The following KLF10 variants were observed in gnomAD, a reference collection of about 807,000 sequenced individuals.
KLF10 encodes KLF transcription factor 10, also known as Krueppel-like factor 10.
A neutral mutation model predicts 31.6 loss-of-function variants in KLF10; 17 were observed. The ratio of observed to expected loss-of-function variants is 0.54; its 90% CI spans 0.37 to 0.81. KLF10 has a LOEUF of 0.81. KLF10 is among the 30% of genes least tolerant of loss of function. KLF10 has a pLI of 0.00. For synonymous variants in KLF10, 239 were observed against 215.1 expected, an observed-to-expected ratio of 1.11 and a Z score of -0.97; for missense variants, 525 against 598.1, an observed-to-expected ratio of 0.88 and a Z score of 1.27.
In KLF10 at chr8:102,651,846, G is replaced by C. The variant is rs1827221704; in HGVS notation, c.486C>G (p.Ala162=). 1 of 1,614,006 alleles carries C rather than the reference G, an allele frequency of 6.2e-7. No individual in the cohort carries two copies. The highest frequency in any genetic ancestry group is 8.5e-7 in the Non-Finnish European group (1 of 1,180,008). The change falls in exon 3 of 4, where the codon GCC becomes GCG. Residue 162 remains alanine (A), a synonymous_variant. Transcript: ENST00000285407. ...GGCAGGTCTGGTGGTTACATAGCTG[G>C]GCATCAGCTGTATGACGAATCACAC... ...ATSVIRHTAD[A]QLCNHQTCPM... is the part of the protein sequence containing the mutation.
intron 1 of KLF10, chr8:102,653,763 A>G: frequency 9.0e-7 from 1 of 1,108,016 alleles, no homozygotes; most frequent in Non-Finnish European, 1.1e-6. Context: ...GAAAAAAGAA[A>G]GGCAGGCGGC....
intron 3 of KLF10, among the ~76,000 whole-genome samples, chr8:102,650,672 G>C (rs1377811561): frequency 6.6e-6 from 1 of 152,118 alleles, no homozygotes; most frequent in African/African-American, 2.4e-5. Context: ...CTTGAGCCCA[G>C]AAGTTTGAGA....
chr8:102,652,286 A>C lies in KLF10; in HGVS notation c.148T>G (p.Cys50Gly). The stretch of plus-strand genomic sequence containing the variant: ...TTCTTAAAATCAGACTTCCAACTGC[A>C]GCTCATTGACATAAGTGCTTCTACA... The part of the protein sequence containing the change: ...EAVEALMSMS[C>G]SWKSDFKKYV... Residue 50 changes from cysteine (C) to glycine (G), a missense_variant, in exon 2 of 4, where the codon TGC becomes GGC. Around this residue, in one of 3 missense-constraint regions of KLF10, gnomAD observed 434 missense variants for 450.7 expected, o/e 0.96. Coordinates refer to ENST00000285407, the MANE Select transcript of KLF10 (RefSeq NM_005655.4). 6.2e-7 allele frequency: 1 copy of C among 1,613,566 alleles called. No individual in the cohort carries two copies.
At chr8:102,653,845 G>C in intron 1 of KLF10, 1 of 985,018 alleles carries the variant, frequency 1.0e-6, no homozygotes, top group Non-Finnish European at 1.2e-6. Context: ...TGGGGCGCGA[G>C]GCAGGAAAGG....
Position 102,655,680 on chromosome 8 carries a change from G to A in KLF10, c.-79C>T. The A allele has an allele frequency of 6.6e-7, 1 of 1,526,132 alleles. No homozygotes were observed. The highest frequency in any genetic ancestry group is 1.1e-5 in the South Asian group (1 of 87,596). 94.5% of individuals were successfully genotyped at this position (1,526,132 alleles called of 1,614,324 possible). A position where few individuals can be genotyped will look rare whatever the true frequency, so the allele number is the denominator to read the frequency against. ...GCTTGGCCACAGACGGGCGCACGGA[G>A]ACACTCGACGCCGCTCCCGCCGCCG... On this transcript the variant is annotated 5_prime_UTR_variant, in exon 1 of 4. Transcript: ENST00000285407.
Position 102,655,696 on chromosome 8 carries a change from C to A in KLF10, c.-95G>T. ...GCGCACGGAGACACTCGACGCCGCT[C>A]CCGCCGCCGCCGCGCTCAGCGCCGT... On this transcript the variant is annotated 5_prime_UTR_variant, in exon 1 of 4. Transcript: ENST00000285407. 2 of 1,401,434 alleles carry A rather than the reference C, an allele frequency of 1.4e-6. No individual in the cohort carries two copies. Among genetic ancestry groups the A allele is most frequent in the East Asian group, 2.4e-5 (1 of 40,916 alleles). The allele number at this position is 1,401,434 out of a possible 1,614,324, so 86.8% of individuals were successfully genotyped here.
intron 1 of KLF10, chr8:102,653,837 G>T: frequency 9.9e-7 from 1 of 1,007,964 alleles, no homozygotes; most frequent in Non-Finnish European, 1.2e-6. Flanking sequence ...AAAGGGAGTG[G>T]GGCGCGAGGC....
At chr8:102,652,468 A>C (rs62523312) in intron 1 of KLF10, 71 bp from the exon 2 acceptor site, 1 of 714,644 alleles carries the variant, frequency 1.4e-6, no homozygotes, top group South Asian at 2.4e-5. Context: ...AAAAATGAGC[A>C]AATTTTTTTT....
rs1827208251 is a variant in KLF10 at position 102,651,457 on chromosome 8, C to T, written c.875G>A (p.Ser292Asn). 1 of 1,613,918 alleles carries T rather than the reference C, an allele frequency of 6.2e-7. No individual in the cohort carries two copies. The highest frequency in any genetic ancestry group is 1.7e-4 in the Middle Eastern group (1 of 6,056). ...NNPVVTTVVP[S>N]TPPSQPPAVC... ...GGCTGGTGGCTGGCTGGGAGGAGTG[C>T]TGGGAACGACTGTTGTCACAACAGG... is the stretch of plus-strand genomic sequence containing the variant. Residue 292 changes from serine (S) to asparagine (N), a missense_variant, in exon 3 of 4, where the codon AGC (serine) becomes AAC (asparagine). Ser to Asn is a conservative substitution (Grantham distance 46). This residue lies in a region of KLF10 where 434 missense variants were observed against 450.7 expected (regional missense o/e 0.96). Transcript: ENST00000285407.
At position 102,651,546 on chromosome 8, in the gene KLF10, T is replaced by C. The variant is rs143582541; in HGVS notation, c.786A>G (p.Val262=). 27 of 1,613,856 alleles carry C rather than the reference T, an allele frequency of 1.7e-5. No homozygotes were observed. In the African/African-American group the frequency reaches 3.3e-4, roughly 20 times the overall value. Residue 262 remains valine, a synonymous_variant, in exon 3 of 4, where the codon GTA becomes GTG. Transcript: ENST00000285407. ...QKSVLVSPPA[V]SAGGVPPMPV... Reference sequence around the variant, plus strand: ...GCATAGGTGGCACTCCCCCTGCAGATACTGCAGGTGGAGAGACCAACACTG... The same window carrying C: ...GCATAGGTGGCACTCCCCCTGCAGACACTGCAGGTGGAGAGACCAACACTG...
In KLF10 at chr8:102,655,715, G is replaced by C. The variant is rs563448184; in HGVS notation, c.-114C>G. On this transcript the variant is annotated 5_prime_UTR_variant, in exon 1 of 4. Coordinates refer to ENST00000285407, the MANE Select transcript of KLF10 (RefSeq NM_005655.4). ...GCCGCTCCCGCCGCCGCCGCGCTCA[G>C]CGCCGTCTGCCCCCTCCCCATTCAG... 61 of 1,234,660 alleles carry C rather than the reference G, an allele frequency of 4.9e-5. No individual in the cohort carries two copies. Among genetic ancestry groups the C allele is most frequent in the Non-Finnish European group, 6.4e-5 (55 of 862,720 alleles). The allele number at this position is 1,234,660 out of a possible 1,614,324, so 76.5% of individuals were successfully genotyped here. A position where few individuals can be genotyped will look rare whatever the true frequency, so the allele number is the denominator to read the frequency against.
In KLF10 at chr8:102,652,697, T is replaced by C. The variant is rs191872076; in HGVS notation, c.37-300A>G. ...GTTCATGGGAGAGAGGCACACCTAC[T>C]ACCATTAAGGGGACTAAGACGAAAA... On this transcript the variant is annotated intron_variant, in intron 1 of 3. Transcript: ENST00000285407. Among the ~76,000 whole-genome samples the C allele has an allele frequency of 4.5e-3, 687 of 152,242 alleles. 2 individuals are homozygous for C. Among genetic ancestry groups the C allele is most frequent in the Non-Finnish European group, 6.6e-3 (446 of 68,006 alleles).
Position 102,651,812 on chromosome 8 carries a change from C to T in KLF10, c.520G>A (p.Ala174Thr), listed in dbSNP as rs1827220520. ...TTCTGATAGTTGAGGATGCTGGCTG[C>T]TTTCATTGGGCAGGTCTGGTGGTTA... ...LCNHQTCPMK[A>T]ASILNYQNNS... The change falls in exon 3 of 4, where the codon GCA (alanine) becomes ACA (threonine). Residue 174 changes from alanine (A) to threonine (T), a missense_variant. By Grantham distance (58) the Ala-to-Thr change is moderately conservative. This residue lies in a region of KLF10 where 434 missense variants were observed against 450.7 expected (regional missense o/e 0.96). Coordinates refer to ENST00000285407, the MANE Select transcript of KLF10 (RefSeq NM_005655.4). 6.2e-7 allele frequency: 1 copy of T among 1,614,056 alleles called. No individual in the cohort carries two copies.
chr8:102,653,415 A>T, intron 1 of KLF10: 2 of 1,435,938 alleles, frequency 1.4e-6, no homozygotes, highest in South Asian at 1.4e-5. Flanking sequence ...AGAACTACCT[A>T]ATGTTTTATA....
intron 1 of KLF10, 151 bp downstream of exon 1, chr8:102,655,415 C>G: frequency 1.0e-6 from 1 of 975,804 alleles, no homozygotes; most frequent in Non-Finnish European, 1.6e-6. Flanking sequence ...TGCCCATAGT[C>G]TGCAGGCAGG....
chr8:102,655,496 G>A, intron 1 of KLF10, 70 bp downstream of exon 1: 1 of 1,584,170 alleles, frequency 6.3e-7, no homozygotes, highest in South Asian at 1.1e-5. Context: ...GGGGCTCGGG[G>A]TTCGCGCCCC....
chr8:102,651,579 T>C lies in KLF10; in HGVS notation c.753A>G (p.Gln251=), dbSNP rs1225086574. 1.9e-6 allele frequency: 3 copies of C among 1,614,164 alleles called. No homozygotes were observed. Among genetic ancestry groups the C allele is most frequent in the South Asian group, 2.2e-5 (2 of 91,072 alleles). Residue 251 remains glutamine (Q), a synonymous_variant, in exon 3 of 4, where the codon CAA becomes CAG. Coordinates refer to ENST00000285407, the MANE Select transcript of KLF10 (RefSeq NM_005655.4). ...GTGGAGAGACCAACACTGACTTCTG[T>C]TGTGGGGACACAGGGGCTGGCTGAG... ...CRSQPAPVSP[Q]QKSVLVSPPA...
At position 102,649,147 on chromosome 8, in the gene KLF10, T is replaced by C. The variant is rs1827146046; in HGVS notation, c.*985A>G. On this transcript the variant is annotated 3_prime_UTR_variant, in exon 4 of 4. Coordinates refer to ENST00000285407, the MANE Select transcript of KLF10 (RefSeq NM_005655.4). ...ATTAACAGGACAACATCAACATTTG[T>C]CCACCTGTGAATAATGGTCACTAAT... 1 of 152,624 alleles carries C rather than the reference T, an allele frequency of 6.6e-6. No individual in the cohort carries two copies. The highest frequency in any genetic ancestry group is 2.4e-5 in the African/African-American group (1 of 41,452). 9.5% of individuals were successfully genotyped at this position (152,624 alleles called of 1,614,324 possible).
Position 102,655,674 on chromosome 8 carries a change from C to A in KLF10, c.-73G>T. 3.2e-6 allele frequency: 5 copies of A among 1,556,908 alleles called. No individual in the cohort carries two copies. Among genetic ancestry groups the A allele is most frequent in the Non-Finnish European group, 2.6e-6 (3 of 1,137,054 alleles). ...CTGGCTGCTTGGCCACAGACGGGCG[C>A]ACGGAGACACTCGACGCCGCTCCCG... is the stretch of plus-strand genomic sequence containing the variant. On this transcript the variant is annotated 5_prime_UTR_variant, in exon 1 of 4. Coordinates refer to ENST00000285407, the MANE Select transcript of KLF10 (RefSeq NM_005655.4).
Sources: gnomAD v4.1 joint callset for allele counts (sites outside exome capture counted in the v4.1 genomes callset) on GRCh38, gnomAD v4.1.1 for gene constraint, gnomAD v4.1.1 regional missense constraint, MANE v1.5 for transcripts, NCBI Gene and HGNC (gene_info 2026-07-23, HGNC 2026-07-21) for gene names.